Variants in PPFIBP2 observed in about 807,000 individuals in gnomAD.
The protein encoded by PPFIBP2 is PPFIB scaffold protein 2, also known as liprin-beta-2.
Under a neutral mutation model 118.3 loss-of-function variants are expected in PPFIBP2, and 118 were observed. The observed-to-expected ratio is 1.00, with a 90% CI of 0.86 to 1.16. The LOEUF (loss-of-function observed/expected upper bound fraction) is 1.16. Among genes scored for constraint, PPFIBP2 ranks in the 50% most tolerant of loss-of-function variants. PPFIBP2 has a pLI of 0.00. For synonymous variants in PPFIBP2, 414 were observed against 397.4 expected (o/e 1.04, Z -0.50); for missense variants, 1,195 against 1,073.1 (o/e 1.11, Z -1.59).
the PPFIBP2 span, among the ~76,000 whole-genome samples, chr11:7,663,850 G>T: frequency 6.6e-6 from 1 of 152,216 alleles, no homozygotes; most frequent in Non-Finnish European, 1.5e-5. Flanking sequence ...TAATCTCATG[G>T]TGCGCCGTTT....
intron 6 of PPFIBP2, among the ~76,000 whole-genome samples, chr11:7,618,773 G>T (rs1848988218): frequency 6.6e-6 from 1 of 151,980 alleles, no homozygotes; most frequent in Admixed American, 6.5e-5. Flanking sequence ...GTAGAGATAG[G>T]GTTTCACCAT....
At position 7,565,639 on chromosome 11, in the gene PPFIBP2, C is replaced by A; in HGVS notation, c.151C>A (p.Leu51Ile). Reference protein sequence around the residue: ...PASYMNPFPVLHLIEDLRLAL... With the variant: ...PASYMNPFPVIHLIEDLRLAL... The stretch of plus-strand genomic sequence containing the variant: ...CTCCTACATGAACCCCTTCCCGGTG[C>A]TCCATCTCATCGAGGACTTGAGGCT... Residue 51 changes from leucine to isoleucine, a missense_variant, in exon 3 of 24, where the codon CTC becomes ATC. Transcript: ENST00000299492. 1 of 1,614,236 alleles carries A rather than the reference C, an allele frequency of 6.2e-7. No homozygotes were observed. Among genetic ancestry groups the A allele is most frequent in the African/African-American group, 1.3e-5 (1 of 75,070 alleles).
intron 3 of PPFIBP2, among the ~76,000 whole-genome samples, chr11:7,573,349 G>C (rs186433999): frequency 1.1e-3 from 170 of 152,314 alleles, no homozygotes; most frequent in Non-Finnish European, 1.8e-3. Flanking sequence ...CATCAGCTAA[G>C]AATGATTTTT....
chr11:7,559,973 C>T (rs1407860918), intron 2 of PPFIBP2, among the ~76,000 whole-genome samples: 1 of 152,050 alleles, frequency 6.6e-6, no homozygotes, highest in African/African-American at 2.4e-5. Flanking sequence ...TCTGTTTGTT[C>T]ATTGTGGGTA....
chr11:7,566,046 C>T (rs1854932988), intron 3 of PPFIBP2, among the ~76,000 whole-genome samples: 1 of 152,096 alleles, frequency 6.6e-6, no homozygotes, highest in Non-Finnish European at 1.5e-5. Context: ...ATTTCACACA[C>T]ACACACACAC....
chr11:7,518,484 T>A (rs1482299266), intron 1 of PPFIBP2, among the ~76,000 whole-genome samples: 2 of 152,068 alleles, frequency 1.3e-5, no homozygotes, highest in Non-Finnish European at 2.9e-5. Context: ...GGCCCTGTCT[T>A]GATAATCTCA....
At chr11:7,577,734 G>C (rs1279851583) in intron 3 of PPFIBP2, 2 of 450,518 alleles carry the variant, frequency 4.4e-6, no homozygotes, top group Non-Finnish European at 8.9e-6. Flanking sequence ...TGTGTGGTAG[G>C]GGGAGGTATT....
chr11:7,645,133 C>G (rs760237747), intron 17 of PPFIBP2, among the ~76,000 whole-genome samples: 4 of 150,252 alleles, frequency 2.7e-5, no homozygotes, highest in African/African-American at 9.8e-5. Context: ...TATACTTTTC[C>G]TTGTAACAGA....
chr11:7,654,813 A>C (rs1485479183), downstream of PPFIBP2, among the ~76,000 whole-genome samples: 1 of 152,248 alleles, frequency 6.6e-6, no homozygotes, highest in Non-Finnish European at 1.5e-5. Flanking sequence ...TGCACCCTCA[A>C]GTAAGTCCTG....
At chr11:7,605,546 A>G (rs1847234458) in intron 5 of PPFIBP2, among the ~76,000 whole-genome samples, 1 of 152,240 alleles carries the variant, frequency 6.6e-6, no homozygotes, top group Non-Finnish European at 1.5e-5. Flanking sequence ...GGAGAGTGGA[A>G]TCACGACAAA....
At chr11:7,539,580 TG>T (rs1851562230) in intron 1 of PPFIBP2, 1 of 152,378 alleles carries the variant, frequency 6.6e-6, no homozygotes, top group Non-Finnish European at 1.5e-5. Flanking sequence ...CCTTTTAGAA[TG>T]GGAGCTGAGC....
At chr11:7,572,278 C>G (rs765903818) in intron 3 of PPFIBP2, among the ~76,000 whole-genome samples, 31 of 152,282 alleles carry the variant, frequency 2.0e-4, no homozygotes, top group Non-Finnish European at 3.8e-4. Context: ...CTTCCTGTCC[C>G]CTGGGGGATT....
intron 1 of PPFIBP2, among the ~76,000 whole-genome samples, chr11:7,525,503 A>G (rs115690481): frequency 0.011 from 1,719 of 152,304 alleles, 26 homozygotes; most frequent in African/African-American, 0.039. Context: ...GCTTCCAGGT[A>G]TGACACAGAA....
At chr11:7,633,793 A>G (rs1851087073) in intron 12 of PPFIBP2, among the ~76,000 whole-genome samples, 1 of 152,256 alleles carries the variant, frequency 6.6e-6, no homozygotes, top group Non-Finnish European at 1.5e-5. Context: ...GTCAACACCA[A>G]GGAACTCGGA....
chr11:7,645,395 A>G (rs1852909270), intron 17 of PPFIBP2, among the ~76,000 whole-genome samples: 1 of 152,202 alleles, frequency 6.6e-6, no homozygotes. Context: ...TAAATGTGCC[A>G]TGTGCTCTCC....
At chr11:7,644,959 G>A (rs1049322724) in intron 17 of PPFIBP2, among the ~76,000 whole-genome samples, 7 of 145,836 alleles carry the variant, frequency 4.8e-5, no homozygotes, top group Admixed American at 1.4e-4. Flanking sequence ...CCCGGGAGGC[G>A]GAGCTTGCAG....
chr11:7,667,072 A>G, the PPFIBP2 span: 4 of 152,544 alleles, frequency 2.6e-5, no homozygotes, highest in African/African-American at 9.6e-5. Flanking sequence ...CACAGCCTCA[A>G]AGATAACTGC....
At chr11:7,572,780 GT>G (rs1160916470) in intron 3 of PPFIBP2, among the ~76,000 whole-genome samples, 6 of 152,258 alleles carry the variant, frequency 3.9e-5, no homozygotes, top group African/African-American at 1.4e-4. Context: ...TGTTTGTTTT[GT>G]TTTGTTTTGT....
chr11:7,640,478 C>T (rs1268144490), intron 15 of PPFIBP2, among the ~76,000 whole-genome samples: 1 of 152,246 alleles, frequency 6.6e-6, no homozygotes. Context: ...TCCCCACCAG[C>T]AGCAAAAGAT....
Sources: allele counts gnomAD v4.1 joint callset (sites outside exome capture counted in the v4.1 genomes callset), GRCh38; gene constraint gnomAD v4.1.1; transcripts MANE v1.5; gene names NCBI Gene and HGNC (gene_info 2026-07-23, HGNC 2026-07-21).